ARL15: variants seen among roughly 807,000 people sequenced by gnomAD.
ARL15 encodes the protein ARF like GTPase 15.
ARL15 carries 19 observed loss-of-function variants against 25.2 expected under a neutral mutation model. That is an observed-to-expected ratio of 0.75 (90% CI 0.53 to 1.10). ARL15 has a LOEUF of 1.10. ARL15 is among the 50% of genes least tolerant of loss of function. ARL15 has a pLI of 0.00. For missense variants in ARL15, 220 were observed against 246.0 expected, an observed-to-expected ratio of 0.89 and a Z score of 0.71; for synonymous variants, 94 against 86.8, an observed-to-expected ratio of 1.08 and a Z score of -0.46.
rs373726255 is a variant in ARL15, at chr5:54,093,180, G to A, written c.462+20022C>T. ...GAATTCTTGGTAATCACTGAGAATG[G>A]TGTCTATTGTTGAATGTAGAGTGCT... On this transcript the variant is annotated intron_variant, in intron 4 of 4. Coordinates refer to ENST00000504924, the MANE Select transcript of ARL15 (RefSeq NM_019087.3). 2.6e-5 allele frequency among the ~76,000 whole-genome samples: 4 copies of A among 152,308 alleles called. No individual in the cohort carries two copies. In the East Asian group the frequency reaches 7.7e-4, roughly 29 times the overall value.
At chr5:54,038,682 T>C (rs1750243607) in intron 4 of ARL15, among the ~76,000 whole-genome samples, 1 of 149,644 alleles carries the variant, frequency 6.7e-6, no homozygotes, top group South Asian at 2.1e-4. Flanking sequence ...CACTTATAAA[T>C]ATAATTTTTA....
At chr5:54,236,711 T>C (rs1756820494) in intron 1 of ARL15, among the ~76,000 whole-genome samples, 1 of 152,248 alleles carries the variant, frequency 6.6e-6, no homozygotes, top group Admixed American at 6.5e-5. Context: ...GCCCAGTGCA[T>C]ACATTCATTT....
chr5:54,264,368 T>C (rs1226190318), intron 1 of ARL15, among the ~76,000 whole-genome samples: 1 of 152,184 alleles, frequency 6.6e-6, no homozygotes, highest in African/African-American at 2.4e-5. Context: ...CTACAATGAC[T>C]ATAATACTTC....
intron 4 of ARL15, among the ~76,000 whole-genome samples, chr5:53,942,750 A>C (rs1224980789): frequency 4.6e-5 from 7 of 152,102 alleles, no homozygotes; most frequent in Non-Finnish European, 1.5e-5. Flanking sequence ...CATCTCAAAC[A>C]AAACAAAACA....
chr5:53,944,679 C>G (rs1390454164), intron 4 of ARL15, among the ~76,000 whole-genome samples: 1 of 152,176 alleles, frequency 6.6e-6, no homozygotes, highest in Non-Finnish European at 1.5e-5. Flanking sequence ...ATTTTCTATC[C>G]TACTACCTTA....
intron 4 of ARL15, among the ~76,000 whole-genome samples, chr5:54,017,395 CA>C (rs1224631036): frequency 6.6e-6 from 1 of 152,034 alleles, no homozygotes; most frequent in Non-Finnish European, 1.5e-5. Context: ...GGCATTGACA[CA>C]GAGCTGTCTC....
chr5:53,957,122 A>G (rs936494186), intron 4 of ARL15, among the ~76,000 whole-genome samples: 2 of 152,170 alleles, frequency 1.3e-5, no homozygotes, highest in African/African-American at 4.8e-5. Flanking sequence ...AACAAGAATC[A>G]ATGCAAAGAG....
chr5:53,946,952 T>C (rs1384345142), intron 4 of ARL15, among the ~76,000 whole-genome samples: 1 of 152,184 alleles, frequency 6.6e-6, no homozygotes, highest in African/African-American at 2.4e-5. Flanking sequence ...TAAAGCTGTA[T>C]GTAGGAGTCT....
At chr5:54,266,944 C>A (rs1291915357) in intron 1 of ARL15, among the ~76,000 whole-genome samples, 2 of 152,288 alleles carry the variant, frequency 1.3e-5, no homozygotes, top group Non-Finnish European at 1.5e-5. Context: ...TTCAGGCAGA[C>A]AAAAAGTAAT....
chr5:54,172,426 A>C (rs955540574), intron 1 of ARL15, among the ~76,000 whole-genome samples: 10 of 152,166 alleles, frequency 6.6e-5, no homozygotes, highest in Admixed American at 3.3e-4. Context: ...AAGGGGAAAA[A>C]AAAAGCCATA....
chr5:53,900,951 C>T (rs957124266), intron 4 of ARL15, among the ~76,000 whole-genome samples: 1 of 152,172 alleles, frequency 6.6e-6, no homozygotes, highest in Non-Finnish European at 1.5e-5. Flanking sequence ...ATGTTTTGAG[C>T]TATTCCTTTA....
intron 1 of ARL15, among the ~76,000 whole-genome samples, chr5:54,261,401 C>G (rs997613944): frequency 4.6e-5 from 7 of 152,118 alleles, no homozygotes; most frequent in African/African-American, 1.7e-4. Flanking sequence ...TCAGAAAGGT[C>G]TCCTAAAATA....
In ARL15 at chr5:54,274,204, AG is replaced by A. The variant is rs200515558; in HGVS notation, c.48+36227del. Among the ~76,000 whole-genome samples, 1,163 of 152,246 alleles carry A rather than the reference AG, an allele frequency of 7.6e-3. 10 individuals carry two copies. The highest frequency in any genetic ancestry group is 0.026 in the African/African-American group (1,099 of 41,540). On this transcript the variant is annotated intron_variant, in intron 1 of 4. Transcript: ENST00000504924. ...GGCATGAGCAGGTTTAGGGGCAGCA[AG>A]AGAGTCGGCTGACGCTGGGTCAGAC...
At chr5:54,116,257 T>C (rs1342642819) in intron 3 of ARL15, among the ~76,000 whole-genome samples, 2 of 152,014 alleles carry the variant, frequency 1.3e-5, no homozygotes, top group African/African-American at 4.8e-5. Flanking sequence ...AGAGTACAGG[T>C]GTGAGTCATT....
intron 4 of ARL15, among the ~76,000 whole-genome samples, chr5:54,009,808 G>A (rs1374168128): frequency 6.6e-6 from 1 of 152,202 alleles, no homozygotes; most frequent in East Asian, 1.9e-4. Flanking sequence ...ATGGCAGGCA[G>A]GGAGAGTAGG....
intron 4 of ARL15, among the ~76,000 whole-genome samples, chr5:54,106,025 T>C (rs1381757715): frequency 6.6e-6 from 1 of 152,170 alleles, no homozygotes; most frequent in Non-Finnish European, 1.5e-5. Context: ...ATTAAAAGAA[T>C]ATCATTTGGC....
chr5:54,168,336 A>G (rs1754632594), intron 2 of ARL15, among the ~76,000 whole-genome samples: 1 of 151,740 alleles, frequency 6.6e-6, no homozygotes, highest in South Asian at 2.1e-4. Flanking sequence ...TCAAACCTCA[A>G]AATCAGCATG....
intron 1 of ARL15, among the ~76,000 whole-genome samples, chr5:54,195,552 C>G (rs562627641): frequency 6.6e-6 from 1 of 152,240 alleles, no homozygotes; most frequent in South Asian, 2.1e-4. Flanking sequence ...TATGAGGACA[C>G]ACACTTAATT....
chr5:54,199,116 C>T (rs1252643974), intron 1 of ARL15, among the ~76,000 whole-genome samples: 2 of 152,130 alleles, frequency 1.3e-5, no homozygotes, highest in African/African-American at 4.8e-5. Context: ...GAAACTGGAT[C>T]CCTTCCTTAC....
Sources: allele counts gnomAD v4.1 joint callset (sites outside exome capture counted in the v4.1 genomes callset), GRCh38; gene constraint gnomAD v4.1.1; transcripts MANE v1.5; gene names NCBI Gene and HGNC (gene_info 2026-07-23, HGNC 2026-07-21).